The following MYO3A variants were observed in gnomAD, a reference collection of about 807,000 sequenced individuals.
The protein encoded by MYO3A is myosin-IIIa.
Under a neutral mutation model 192.7 loss-of-function variants are expected in MYO3A, and 180 were observed. That is an observed-to-expected ratio of 0.93 (90% CI 0.83 to 1.06). MYO3A has a LOEUF of 1.06. MYO3A is among the 50% of genes least tolerant of loss of function. MYO3A has a pLI of 0.00. For missense variants in MYO3A, 1,896 were observed against 1,905.0 expected, an observed-to-expected ratio of 1.00 and a Z score of 0.09; for synonymous variants, 628 against 645.3, an observed-to-expected ratio of 0.97 and a Z score of 0.41.
chr10:26,157,855 A>G (rs915328150), intron 26 of MYO3A, among the ~76,000 whole-genome samples: 3 of 152,184 alleles, frequency 2.0e-5, no homozygotes, highest in African/African-American at 7.2e-5. Flanking sequence ...TTTGCCCCTC[A>G]AAAGACACTT....
At chr10:25,981,931 T>C (rs1052750266) in intron 4 of MYO3A, among the ~76,000 whole-genome samples, 2 of 152,180 alleles carry the variant, frequency 1.3e-5, no homozygotes, top group African/African-American at 4.8e-5. Context: ...TCAGGTTCCC[T>C]GAGATGCCAA....
At chr10:26,128,972 T>G (rs1263650438) in intron 20 of MYO3A, among the ~76,000 whole-genome samples, 1 of 152,216 alleles carries the variant, frequency 6.6e-6, no homozygotes, top group Non-Finnish European at 1.5e-5. Flanking sequence ...ATGGGTTTGA[T>G]GCAAATGCCA....
chr10:26,191,867 G>A (rs1843148923), intron 31 of MYO3A, among the ~76,000 whole-genome samples: 1 of 152,124 alleles, frequency 6.6e-6, no homozygotes, highest in Non-Finnish European at 1.5e-5. Context: ...GTTTCTCTGT[G>A]TATTTCAACA....
chr10:25,988,538 A>G (rs891339575), intron 4 of MYO3A, among the ~76,000 whole-genome samples: 3 of 152,286 alleles, frequency 2.0e-5, no homozygotes, highest in East Asian at 1.9e-4. Flanking sequence ...TGATGCAGAG[A>G]CAGTTAAATA....
intron 4 of MYO3A, among the ~76,000 whole-genome samples, chr10:25,990,201 T>C (rs76328022): frequency 0.064 from 9,744 of 152,162 alleles, 407 homozygotes; most frequent in Non-Finnish European, 0.094. Flanking sequence ...TTCTCCCTGT[T>C]TTGGGTGTGG....
chr10:26,120,183 T>G (rs1251519309), intron 17 of MYO3A, among the ~76,000 whole-genome samples: 1 of 151,922 alleles, frequency 6.6e-6, no homozygotes, highest in Middle Eastern at 3.2e-3. Flanking sequence ...AAAAAAATCT[T>G]ACGCTTACAT....
chr10:26,021,858 T>C (rs2131085364), intron 8 of MYO3A: 1 of 616,530 alleles, frequency 1.6e-6, no homozygotes, highest in East Asian at 3.1e-5. Context: ...TTTCTCTTGA[T>C]AATCAGTGTG....
At chr10:26,139,645 A>C (rs1464317156) in intron 20 of MYO3A, among the ~76,000 whole-genome samples, 1 of 152,172 alleles carries the variant, frequency 6.6e-6, no homozygotes, top group Non-Finnish European at 1.5e-5. Context: ...TAATCCCAGC[A>C]CTTTGGGAGG....
At chr10:26,173,055 G>GAA (rs35552865) in intron 29 of MYO3A, among the ~76,000 whole-genome samples, 11,246 of 140,138 alleles carry the variant, frequency 0.08, 464 homozygotes, top group Non-Finnish European at 0.093. Context: ...CCTTTGGCTA[G>GAA]AAAAAAAAAA....
intron 4 of MYO3A, among the ~76,000 whole-genome samples, chr10:25,990,584 C>T (rs182032423): frequency 0.011 from 1,622 of 151,632 alleles, 25 homozygotes; most frequent in African/African-American, 0.036. Flanking sequence ...CATATGTATA[C>T]ATGTGCCATG....
chr10:25,947,110 GT>G (rs1836892526), intron 2 of MYO3A, among the ~76,000 whole-genome samples: 1 of 151,222 alleles, frequency 6.6e-6, no homozygotes, highest in South Asian at 2.1e-4. Context: ...ATATTCCTTC[GT>G]TCTTTTTTCT....
chr10:26,173,890 C>T lies in MYO3A; in HGVS notation c.3626C>T (p.Pro1209Leu), dbSNP rs775528961. Residue 1209 changes from proline (P) to leucine (L), a missense_variant, in exon 30 of 35, where the codon CCA becomes CTA. By Grantham distance (98) the Pro-to-Leu change is moderately conservative (BLOSUM62 -3). Transcript: ENST00000642920. ...EVKQEFYLVG[P>L]EVSPKQKSVK... ...AAGCAAGAATTCTACCTTGTAGGGCCAGAAGTAAGCCCCAAACAGAAGTCT... is the reference window on the plus strand; with the variant it reads ...AAGCAAGAATTCTACCTTGTAGGGCTAGAAGTAAGCCCCAAACAGAAGTCT... 30 of 1,613,900 alleles carry T rather than the reference C, an allele frequency of 1.9e-5. No homozygotes were observed. The highest frequency in any genetic ancestry group is 2.5e-5 in the Non-Finnish European group (29 of 1,180,002).
intron 4 of MYO3A, 40 bp from the exon 5 acceptor site, chr10:25,996,450 C>A: frequency 1.3e-6 from 2 of 1,531,400 alleles, no homozygotes; most frequent in South Asian, 1.1e-5. Flanking sequence ...CATAAAATGT[C>A]ACATGTTTTT....
intron 2 of MYO3A, among the ~76,000 whole-genome samples, chr10:25,941,457 C>T (rs377279151): frequency 7.4e-4 from 112 of 152,260 alleles, no homozygotes; most frequent in Middle Eastern, 6.8e-3. Flanking sequence ...TGTCGGTCCC[C>T]GAGATTCAGG....
chr10:25,978,664 A>G (rs1839108825), intron 4 of MYO3A, among the ~76,000 whole-genome samples: 1 of 152,216 alleles, frequency 6.6e-6, no homozygotes, highest in Non-Finnish European at 1.5e-5. Flanking sequence ...TAATATAAAT[A>G]AGAATATAAG....
intron 6 of MYO3A, among the ~76,000 whole-genome samples, chr10:26,010,178 A>C (rs1346201482): frequency 3.3e-5 from 5 of 151,832 alleles, no homozygotes; most frequent in Non-Finnish European, 7.4e-5. Context: ...GTTTTAAAGA[A>C]AGGAAAAGAT....
At chr10:26,156,905 A>G (rs1410563350) in intron 25 of MYO3A, among the ~76,000 whole-genome samples, 2 of 152,228 alleles carry the variant, frequency 1.3e-5, no homozygotes, top group African/African-American at 4.8e-5. Context: ...TTTACCATCT[A>G]TAAAGAGAGA....
intron 18 of MYO3A, 66 bp downstream of exon 18, chr10:26,120,868 A>C: frequency 1.3e-6 from 2 of 1,569,196 alleles, no homozygotes; most frequent in Non-Finnish European, 1.8e-6. Context: ...CATAAGTATC[A>C]CATAAGGACC....
chr10:26,097,013 T>C (rs1427556779), intron 17 of MYO3A, among the ~76,000 whole-genome samples: 1 of 151,784 alleles, frequency 6.6e-6, no homozygotes, highest in African/African-American at 2.4e-5. Flanking sequence ...GTCTTTTTAA[T>C]AACAACTTTA....
Sources: allele counts gnomAD v4.1 joint callset (sites outside exome capture counted in the v4.1 genomes callset), GRCh38; gene constraint gnomAD v4.1.1; transcripts MANE v1.5; gene names NCBI Gene and HGNC (gene_info 2026-07-23, HGNC 2026-07-21).